The following CSNK1G1 variants were observed in gnomAD, a reference collection of about 807,000 sequenced individuals.
CSNK1G1 encodes the protein casein kinase 1 gamma 1, also known as casein kinase I isoform gamma-1.
CSNK1G1 carries 22 observed loss-of-function variants against 59.6 expected under a neutral mutation model. That is an observed-to-expected ratio of 0.37 (90% CI 0.26 to 0.53). CSNK1G1 has a LOEUF of 0.53. CSNK1G1 is among the 20% of genes least tolerant of loss of function. CSNK1G1 has a pLI of 0.89. For missense variants in CSNK1G1, 384 were observed against 519.5 expected (o/e 0.74, Z 2.54); for synonymous variants, 179 against 177.1 (o/e 1.01, Z -0.08).
At chr15:64,172,059 T>A in intron 11 of CSNK1G1, 74 bp from the exon 12 acceptor site, 1 of 1,391,898 alleles carries the variant, frequency 7.2e-7, no homozygotes, top group South Asian at 1.2e-5. Context: ...TGCTTCTGCT[T>A]ACTGCAGGGG....
intron 4 of CSNK1G1, among the ~76,000 whole-genome samples, chr15:64,218,541 G>A (rs111293274): frequency 0.013 from 1,952 of 151,554 alleles, 21 homozygotes; most frequent in Middle Eastern, 0.024. Context: ...TACAGGCATG[G>A]TGTCCACCAA....
At chr15:64,217,730 C>T (rs145408265) in intron 4 of CSNK1G1, among the ~76,000 whole-genome samples, 5,110 of 150,828 alleles carry the variant, frequency 0.034, 251 homozygotes, top group African/African-American at 0.11. Context: ...ACAGGAGAAT[C>T]GTTTGAACTC....
At chr15:64,348,754 T>C (rs1898112667) in intron 1 of CSNK1G1, among the ~76,000 whole-genome samples, 1 of 152,148 alleles carries the variant, frequency 6.6e-6, no homozygotes, top group African/African-American at 2.4e-5. Flanking sequence ...GTGATTATCA[T>C]GGATACTCAA....
chr15:64,172,047 C>A, intron 11 of CSNK1G1, 62 bp from the exon 12 acceptor site: 1 of 1,473,610 alleles, frequency 6.8e-7, no homozygotes, highest in Non-Finnish European at 9.5e-7. Flanking sequence ...CAGACTTCTG[C>A]CTGCTTCTGC....
At chr15:64,288,810 T>G (rs750988014) in intron 2 of CSNK1G1, among the ~76,000 whole-genome samples, 1 of 152,134 alleles carries the variant, frequency 6.6e-6, no homozygotes, top group Non-Finnish European at 1.5e-5. Flanking sequence ...ATACTGCTTC[T>G]GAATCACCCT....
chr15:64,315,368 T>C (rs543341242), intron 1 of CSNK1G1, among the ~76,000 whole-genome samples: 44 of 152,278 alleles, frequency 2.9e-4, no homozygotes, highest in Admixed American at 5.2e-4. Flanking sequence ...CAGGAGTCCA[T>C]TGTTCAGGAT....
chr15:64,274,528 G>C (rs1893500170), intron 2 of CSNK1G1, among the ~76,000 whole-genome samples: 1 of 152,166 alleles, frequency 6.6e-6, no homozygotes, highest in Non-Finnish European at 1.5e-5. Context: ...TTTAGTATCT[G>C]TTGCACAAAA....
At chr15:64,331,722 C>T (rs1248763050) in intron 1 of CSNK1G1, among the ~76,000 whole-genome samples, 1 of 140,710 alleles carries the variant, frequency 7.1e-6, no homozygotes, top group African/African-American at 2.7e-5. Flanking sequence ...AAAGAAACTA[C>T]CATCAGAGTG....
At chr15:64,321,771 T>C (rs573406450) in intron 1 of CSNK1G1, among the ~76,000 whole-genome samples, 1 of 152,228 alleles carries the variant, frequency 6.6e-6, no homozygotes, top group East Asian at 1.9e-4. Flanking sequence ...AGTTTTCTAA[T>C]TATGAAATGA....
At chr15:64,278,432 A>ATTT (rs774402095) in intron 2 of CSNK1G1, among the ~76,000 whole-genome samples, 80 of 127,950 alleles carry the variant, frequency 6.3e-4, no homozygotes, top group Admixed American at 1.1e-3. Flanking sequence ...ATATATATAT[A>ATTT]TTTTTTTTTT....
intron 10 of CSNK1G1, among the ~76,000 whole-genome samples, chr15:64,187,208 G>A (rs1195580128): frequency 4.6e-5 from 7 of 150,946 alleles, no homozygotes; most frequent in Non-Finnish European, 1.0e-4. Context: ...TTTTTTGGGG[G>A]GGATGGAGCC....
rs1183313427 is a variant in CSNK1G1 at position 64,291,407 on chromosome 15, T to G, written c.181+8912A>C. ...TTTGAGACCAGCCTGGCCAACATGG[T>G]GAAACCCCATCTTTACTAAAAATAC... On this transcript the variant is annotated intron_variant, in intron 2 of 11. Transcript: ENST00000303052. 2.0e-5 allele frequency among the ~76,000 whole-genome samples: 3 copies of G among 151,892 alleles called. No homozygotes were observed. In the East Asian group the frequency reaches 5.8e-4, roughly 30 times the overall value.
chr15:64,256,398 G>A (rs1238692585), intron 3 of CSNK1G1, among the ~76,000 whole-genome samples: 2 of 152,212 alleles, frequency 1.3e-5, no homozygotes, highest in African/African-American at 4.8e-5. Context: ...AAACTCCATA[G>A]AGTTCAAGGG....
intron 10 of CSNK1G1, chr15:64,181,597 C>G (rs754110986): frequency 2.8e-5 from 18 of 637,776 alleles, no homozygotes; most frequent in Non-Finnish European, 4.2e-5. Context: ...ATAAGGGAAG[C>G]AGCATAGTGT....
At chr15:64,269,036 A>G (rs1369987507) in intron 2 of CSNK1G1, among the ~76,000 whole-genome samples, 3 of 152,084 alleles carry the variant, frequency 2.0e-5, no homozygotes, top group African/African-American at 2.4e-5. Context: ...TTTACCCACT[A>G]CCATTGTGCT....
In CSNK1G1 at chr15:64,186,214, C is replaced by G. The variant is rs144676590; in HGVS notation, c.1108-5760G>C. Among the ~76,000 whole-genome samples, 1,258 of 152,266 alleles carry G rather than the reference C, an allele frequency of 8.3e-3. 17 individuals are homozygous for G. Among genetic ancestry groups the G allele is most frequent in the African/African-American group, 0.028 (1,179 of 41,554 alleles). On this transcript the variant is annotated intron_variant, in intron 10 of 11. Transcript: ENST00000303052. ...TTCTGCCTCCCGAGTTTAAGTGATT[C>G]TCCTGCCTCAGCCTCCCAAGTAGCT...
intron 4 of CSNK1G1, among the ~76,000 whole-genome samples, chr15:64,242,396 T>C (rs541140063): frequency 6.6e-6 from 1 of 152,196 alleles, no homozygotes; most frequent in African/African-American, 2.4e-5. Context: ...TTTCCCCCAC[T>C]TTCCCCCGAC....
intron 7 of CSNK1G1, among the ~76,000 whole-genome samples, chr15:64,205,271 T>A (rs2082161704): frequency 1.3e-5 from 2 of 152,190 alleles, no homozygotes; most frequent in Non-Finnish European, 2.9e-5. Flanking sequence ...AGAAGCTTAG[T>A]AATATCCCAT....
chr15:64,189,329 C>A, intron 10 of CSNK1G1: 1 of 1,182,510 alleles, frequency 8.5e-7, no homozygotes, highest in Non-Finnish European at 1.1e-6. Flanking sequence ...CATTCAGGCT[C>A]TCCTTCTTTA....
Sources: allele counts gnomAD v4.1 joint callset (sites outside exome capture counted in the v4.1 genomes callset), GRCh38; gene constraint gnomAD v4.1.1; transcripts MANE v1.5; gene names NCBI Gene and HGNC (gene_info 2026-07-23, HGNC 2026-07-21).